IFT46: variants seen among roughly 807,000 people sequenced by gnomAD.
IFT46 encodes the protein intraflagellar transport protein 46 homolog.
In IFT46, 19 loss-of-function variants were observed where a neutral mutation model predicts 39.6. The observed-to-expected ratio is 0.48, with a 90% confidence interval of 0.33 to 0.70. The LOEUF is 0.70. Ranked by LOEUF, IFT46 falls within the 30% of genes least tolerant of loss-of-function variation. The pLI is 0.01. For synonymous variants in IFT46, 117 were observed against 134.8 expected (o/e 0.87, Z 0.91); for missense variants, 334 against 364.8 (o/e 0.92, Z 0.69).
chr11:118,557,949 T>A (rs1937898527), intron 3 of IFT46: 14 of 1,450,236 alleles, frequency 9.7e-6, no homozygotes, highest in Non-Finnish European at 1.2e-5. Context: ...GGTTTCTATA[T>A]ACCGTATGGC....
intron 2 of IFT46, chr11:118,561,709 A>T: frequency 7.6e-6 from 2 of 261,542 alleles, no homozygotes; most frequent in Non-Finnish European, 1.5e-5. Flanking sequence ...TTTCTAACCC[A>T]GGCCTCTTAT....
At chr11:118,570,045 C>CA (rs1491337626), upstream of IFT46, among the ~76,000 whole-genome samples, 38 of 113,546 alleles carry the variant, frequency 3.3e-4, no homozygotes, top group African/African-American at 1.2e-3. Flanking sequence ...CCACGCCCAG[C>CA]TTTTTTTTTT....
In IFT46 at chr11:118,561,550, C is replaced by G. The variant is rs1374725532; in HGVS notation, c.-35-1686G>C. 7.2e-6 allele frequency: 5 copies of G among 690,402 alleles called. No individual in the cohort carries two copies. The African/African-American group carries it at 8.9e-5, about 12-fold the overall frequency. The allele number at this position is 690,402 out of a possible 1,614,324, so 42.8% of individuals were successfully genotyped here. A position where few individuals can be genotyped will look rare whatever the true frequency, so the allele number is the denominator to read the frequency against. On this transcript the variant is annotated intron_variant, in intron 2 of 11. Coordinates refer to ENST00000264021, the MANE Select transcript of IFT46 (RefSeq NM_001168618.2). ...TAGCTTAAAAGAAGGCAAGCTCCCT[C>G]AGAGCTCAGGAGCAGGCTGCTGAGA... is the stretch of plus-strand genomic sequence containing the variant.
intron 1 of IFT46, among the ~76,000 whole-genome samples, chr11:118,571,517 A>G (rs1301643650): frequency 2.0e-5 from 3 of 152,186 alleles, no homozygotes; most frequent in African/African-American, 4.8e-5. Context: ...CTCTTTTCCA[A>G]CGTGGCTGCA....
At chr11:118,551,671 A>C (rs1951803412) in intron 9 of IFT46, 115 bp downstream of exon 9, 1 of 124,494 alleles carries the variant, frequency 8.0e-6, no homozygotes, top group Non-Finnish European at 1.6e-5. Flanking sequence ...ACCCTGTCTC[A>C]AAAAAAAAAA....
chr11:118,558,087 G>A (rs1937902540), intron 3 of IFT46, among the ~76,000 whole-genome samples: 1 of 151,874 alleles, frequency 6.6e-6, no homozygotes, highest in African/African-American at 2.4e-5. Flanking sequence ...GTCACATTTT[G>A]CTCTAAGAAT....
chr11:118,560,864 G>C, intron 2 of IFT46: 1 of 766,482 alleles, frequency 1.3e-6, no homozygotes, highest in Non-Finnish European at 2.4e-6. Flanking sequence ...AACAAACAGA[G>C]ATATCATTTG....
At chr11:118,560,406 AC>A (rs1332138625) in intron 2 of IFT46, 4 of 161,354 alleles carry the variant, frequency 2.5e-5, no homozygotes, top group African/African-American at 1.1e-4. Flanking sequence ...AGCCCGGGCA[AC>A]AGAGTGAGAG....
In IFT46 at chr11:118,544,865, G is replaced by C; in HGVS notation, c.*51C>G. 7.6e-7 allele frequency: 1 copy of C among 1,313,614 alleles called. No homozygotes were observed. Among genetic ancestry groups the C allele is most frequent in the South Asian group, 1.2e-5 (1 of 83,058 alleles). The allele number at this position is 1,313,614 out of a possible 1,614,324, so 81.4% of individuals were successfully genotyped here. ...AGCTGACAACGATCTGTCCATCTCAGCTGGGGCAGAGGGGCCAGCTCAGCC... is the reference window on the plus strand; with the variant it reads ...AGCTGACAACGATCTGTCCATCTCACCTGGGGCAGAGGGGCCAGCTCAGCC... On this transcript the variant is annotated 3_prime_UTR_variant, in exon 12 of 12. Coordinates refer to ENST00000264021, the MANE Select transcript of IFT46 (RefSeq NM_001168618.2).
At chr11:118,551,690 A>G (rs1937643971) in intron 9 of IFT46, 96 bp downstream of exon 9, 3 of 840,830 alleles carry the variant, frequency 3.6e-6, no homozygotes, top group Middle Eastern at 2.4e-4. Flanking sequence ...AAAAAAAAAA[A>G]GTTACCAATA....
upstream of IFT46, among the ~76,000 whole-genome samples, chr11:118,566,285 C>T (rs1241841214): frequency 6.6e-6 from 1 of 152,198 alleles, no homozygotes; most frequent in Non-Finnish European, 1.5e-5. Flanking sequence ...TCGCAGCACT[C>T]TGTAAGTCCT....
At chr11:118,558,447 T>C (rs1480894765) in intron 3 of IFT46, among the ~76,000 whole-genome samples, 1 of 151,832 alleles carries the variant, frequency 6.6e-6, no homozygotes, top group African/African-American at 2.4e-5. Flanking sequence ...ATACAAAAAT[T>C]AGCCAGGCGT....
At chr11:118,573,733 G>C (rs1555072913), upstream of IFT46, 1 of 689,040 alleles carries the variant, frequency 1.5e-6, no homozygotes, top group African/African-American at 1.8e-5. Context: ...GGATAATGGG[G>C]GGAATTCATG....
intron 7 of IFT46, among the ~76,000 whole-genome samples, chr11:118,552,984 G>A (rs1017606513): frequency 4.4e-4 from 67 of 151,540 alleles, no homozygotes; most frequent in Middle Eastern, 6.8e-3. Flanking sequence ...GGCTACTTGG[G>A]AGGCTGAGGT....
Position 118,559,781 on chromosome 11 carries a change from G to C in IFT46, c.45+4C>G. 1 of 1,610,644 alleles carries C rather than the reference G, an allele frequency of 6.2e-7. No homozygotes were observed. The highest frequency in any genetic ancestry group is 1.1e-5 in the South Asian group (1 of 90,962). On this transcript the variant is annotated splice_donor_region_variant and intron_variant, in intron 3 of 11. Coordinates refer to ENST00000264021, the MANE Select transcript of IFT46 (RefSeq NM_001168618.2). ...TCTACAAGAAGCTGTGAGTTTTACTGTACCTTGTTATTTTCCTCTTCACAC... is the reference window on the plus strand; with the variant it reads ...TCTACAAGAAGCTGTGAGTTTTACTCTACCTTGTTATTTTCCTCTTCACAC...
upstream of IFT46, among the ~76,000 whole-genome samples, chr11:118,569,185 A>G (rs1394883242): frequency 5.3e-5 from 8 of 151,876 alleles, no homozygotes; most frequent in African/African-American, 1.9e-4. Flanking sequence ...AGGCTAAGTC[A>G]GGAGAATCCC....
At chr11:118,569,019 G>A (rs1001456622), upstream of IFT46, among the ~76,000 whole-genome samples, 5 of 151,666 alleles carry the variant, frequency 3.3e-5, no homozygotes, top group African/African-American at 7.3e-5. Context: ...TGTGGCTCAC[G>A]CCTGTAATCC....
At chr11:118,574,821 C>T (rs1938448216), upstream of IFT46, among the ~76,000 whole-genome samples, 1 of 151,852 alleles carries the variant, frequency 6.6e-6, no homozygotes, top group African/African-American at 2.4e-5. Flanking sequence ...AGTAGCTATT[C>T]ACAGGCGCTA....
At chr11:118,554,408 C>T (rs782609654) in intron 7 of IFT46, 51 bp downstream of exon 7, 9 of 1,526,620 alleles carry the variant, frequency 5.9e-6, no homozygotes, top group African/African-American at 2.8e-5. Context: ...GCAAGGCCTC[C>T]TCCACTCTTG....
Sources: gnomAD v4.1 joint callset for allele counts (sites outside exome capture counted in the v4.1 genomes callset) on GRCh38, gnomAD v4.1.1 for gene constraint, MANE v1.5 for transcripts, NCBI Gene and HGNC (gene_info 2026-07-23, HGNC 2026-07-21) for gene names.